Variants in CHAF1A observed in about 807,000 individuals in gnomAD.
CHAF1A encodes the protein CAF-1 subunit A.
CHAF1A carries 5 observed loss-of-function variants against 93.2 expected under a neutral mutation model. The ratio of observed to expected loss-of-function variants is 0.05; its 90% CI spans 0.03 to 0.11. CHAF1A has a LOEUF of 0.11. CHAF1A is among the 10% of genes least tolerant of loss of function. CHAF1A has a pLI of 1.00. For synonymous variants in CHAF1A, 504 were observed against 510.3 expected (o/e 0.99, Z 0.17); for missense variants, 1,102 against 1,259.9 (o/e 0.87, Z 1.90).
chr19:4,449,298 G>C (rs1462326678), downstream of CHAF1A: 1 of 152,824 alleles, frequency 6.5e-6, no homozygotes, highest in Admixed American at 6.5e-5. Context: ...CATGTGTCAG[G>C]ATTCGGGCCA....
chr19:4,419,972 C>T (rs1037541483), intron 4 of CHAF1A, among the ~76,000 whole-genome samples: 5 of 152,236 alleles, frequency 3.3e-5, no homozygotes, highest in African/African-American at 1.2e-4. Context: ...TCACCTTCCT[C>T]GTGTGTCTCG....
rs1269388560 is a variant in CHAF1A at position 4,409,099 on chromosome 19, C to G, written c.300C>G (p.Asn100Lys). 1 of 1,614,182 alleles carries G rather than the reference C, an allele frequency of 6.2e-7. No homozygotes were observed. The highest frequency in any genetic ancestry group is 8.5e-7 in the Non-Finnish European group (1 of 1,180,054). ...KLVNGKGPLD[N>K]FLRNRIETSI... is the part of the protein sequence containing the mutation. ...TCAACGGGAAGGGTCCCTTAGATAACTTTTTAAGAAATAGAATCGAAACCA... is the reference window on the plus strand; with the variant it reads ...TCAACGGGAAGGGTCCCTTAGATAAGTTTTTAAGAAATAGAATCGAAACCA... The change falls in exon 3 of 15, where the codon AAC becomes AAG. Residue 100 changes from asparagine to lysine, a missense_variant. Physicochemically the swap from Asn to Lys is moderately conservative, Grantham distance 94. Coordinates refer to ENST00000301280, the MANE Select transcript of CHAF1A (RefSeq NM_005483.3).
At chr19:4,419,875 C>T (rs1303106542) in intron 4 of CHAF1A, among the ~76,000 whole-genome samples, 1 of 152,222 alleles carries the variant, frequency 6.6e-6, no homozygotes, top group African/African-American at 2.4e-5. Flanking sequence ...CCTGCAGTTT[C>T]TAGAAGCCTT....
downstream of CHAF1A, chr19:4,449,062 C>T (rs1277156849): frequency 6.5e-6 from 1 of 154,704 alleles, no homozygotes; most frequent in East Asian, 1.9e-4. Flanking sequence ...CTGGGGGTTT[C>T]CCAGAACCAG....
chr19:4,442,025 G>T (rs966535228), intron 13 of CHAF1A, among the ~76,000 whole-genome samples: 7 of 152,244 alleles, frequency 4.6e-5, no homozygotes, highest in African/African-American at 1.7e-4. Context: ...TCTGAATCCA[G>T]TTCATTTGAG....
Position 4,409,521 on chromosome 19 carries a change from T to G in CHAF1A, c.722T>G (p.Val241Gly), listed in dbSNP as rs148594897. The change falls in exon 3 of 15, where the codon GTC (valine) becomes GGC (glycine). Residue 241 changes from valine to glycine, a missense_variant. This residue lies in a region of CHAF1A where 379 missense variants were observed against 365.7 expected (regional missense o/e 1.04). Transcript: ENST00000301280. Reference protein sequence around the residue: ...ILFKGKVPMVVLQDILAVRPP... With the variant: ...ILFKGKVPMVGLQDILAVRPP... ...TTCAAAGGGAAGGTGCCTATGGTGG[T>G]CTTGCAGGACATCTTGGCTGTGAGA... 219 of 1,613,902 alleles carry G rather than the reference T, an allele frequency of 1.4e-4. No homozygotes were observed. Among genetic ancestry groups the G allele is most frequent in the Non-Finnish European group, 1.7e-4 (201 of 1,179,996 alleles).
chr19:4,440,774 C>T (rs1974372536), intron 13 of CHAF1A, among the ~76,000 whole-genome samples: 1 of 151,754 alleles, frequency 6.6e-6, no homozygotes, highest in Non-Finnish European at 1.5e-5. Flanking sequence ...ACTGACTGCT[C>T]CATCCTGCAG....
chr19:4,406,108 C>T (rs1172139306), intron 2 of CHAF1A, 146 bp downstream of exon 2: 3 of 681,866 alleles, frequency 4.4e-6, no homozygotes, highest in Non-Finnish European at 5.2e-6. Flanking sequence ...GCTTTTCACA[C>T]AGTAATGTCT....
intron 1 of CHAF1A, among the ~76,000 whole-genome samples, 175 bp downstream of exon 1, chr19:4,402,989 C>G (rs997722421): frequency 2.6e-5 from 4 of 152,198 alleles, no homozygotes; most frequent in African/African-American, 9.6e-5. Flanking sequence ...CCAAGGGCAC[C>G]CTTGTTGACG....
At chr19:4,434,662 C>T (rs1354786520) in intron 13 of CHAF1A, among the ~76,000 whole-genome samples, 1 of 151,868 alleles carries the variant, frequency 6.6e-6, no homozygotes, top group African/African-American at 2.4e-5. Flanking sequence ...GGCTTGATAG[C>T]TCTTTTTTTT....
At chr19:4,445,323 A>T, downstream of CHAF1A, 2 of 1,080,444 alleles carry the variant, frequency 1.9e-6, no homozygotes, top group Non-Finnish European at 2.7e-6. Flanking sequence ...CCCCCAAGGG[A>T]TGGGGGCTCT....
chr19:4,435,430 TG>T (rs1406787445), intron 13 of CHAF1A, among the ~76,000 whole-genome samples: 3 of 152,000 alleles, frequency 2.0e-5, no homozygotes, highest in Non-Finnish European at 2.9e-5. Context: ...TGTAGTGCAG[TG>T]GCGTGATCAC....
rs528417828 is a variant in CHAF1A at position 4,429,456 on chromosome 19, G to A, written c.1623G>A (p.Glu541=). The A allele has an allele frequency of 1.9e-6, 3 of 1,614,038 alleles. No individual in the cohort carries two copies. The East Asian group carries it at 6.7e-5, about 36-fold the overall frequency. ...DIFNSDVVIV[E]RGKGDGVPER... is the part of the protein sequence containing the mutation. The stretch of plus-strand genomic sequence containing the variant: ...TTCTCAGTGATGTCGTCATCGTGGA[G>A]CGTGGGAAGGGCGACGGTGTTCCCG... Residue 541 remains glutamate (E), a synonymous_variant, in exon 9 of 15, where the codon GAG becomes GAA. Transcript: ENST00000301280.
intron 6 of CHAF1A, 149 bp downstream of exon 6, chr19:4,423,544 C>G (rs1489011306): frequency 7.2e-7 from 1 of 1,392,990 alleles, no homozygotes; most frequent in African/African-American, 1.4e-5. Flanking sequence ...TGTCTAGATG[C>G]GTTCTTGTTG....
intron 4 of CHAF1A, among the ~76,000 whole-genome samples, chr19:4,418,922 G>T (rs1186867687): frequency 6.6e-6 from 1 of 151,904 alleles, no homozygotes; most frequent in Non-Finnish European, 1.5e-5. Context: ...GAGTGCAGTG[G>T]CACGATCTCG....
At chr19:4,441,153 C>G (rs1336874451) in intron 13 of CHAF1A, among the ~76,000 whole-genome samples, 1 of 151,966 alleles carries the variant, frequency 6.6e-6, no homozygotes, top group African/African-American at 2.4e-5. Flanking sequence ...CCCATCTCTA[C>G]TAAAAATACA....
intron 2 of CHAF1A, among the ~76,000 whole-genome samples, chr19:4,408,249 G>A (rs929508360): frequency 2.0e-5 from 3 of 149,300 alleles, no homozygotes; most frequent in Non-Finnish European, 4.4e-5. Flanking sequence ...CTGGAGTGCA[G>A]TGGCGTGATC....
intron 8 of CHAF1A, 21 bp from the exon 9 acceptor site, chr19:4,429,417 G>C: frequency 6.2e-7 from 1 of 1,612,108 alleles, no homozygotes; most frequent in Non-Finnish European, 8.5e-7. Context: ...GTGATCCTGA[G>C]CCTGGGGTTT....
chr19:4,405,129 G>A (rs946234699), intron 1 of CHAF1A, among the ~76,000 whole-genome samples: 11 of 152,034 alleles, frequency 7.2e-5, no homozygotes, highest in African/African-American at 2.2e-4. Flanking sequence ...AAACAGTTCC[G>A]GTTACTCTCT....
Sources: allele counts gnomAD v4.1 joint callset (sites outside exome capture counted in the v4.1 genomes callset), GRCh38; gene constraint gnomAD v4.1.1; regional missense constraint gnomAD v4.1.1; transcripts MANE v1.5; gene names NCBI Gene and HGNC (gene_info 2026-07-23, HGNC 2026-07-21).